Variants in CR1 observed in about 807,000 individuals in gnomAD.
CR1 encodes complement C3b/C4b receptor 1 (Knops blood group).
CR1 carries 116 observed loss-of-function variants against 187.3 expected under a neutral mutation model. The observed-to-expected ratio is 0.62, with a 90% confidence interval of 0.53 to 0.72. The LOEUF is 0.72. CR1 is among the 30% of genes least tolerant of loss of function. The pLI is 0.00. For missense variants in CR1, 1,731 were observed against 2,110.7 expected, an observed-to-expected ratio of 0.82 and a Z score of 3.52; for synonymous variants, 576 against 747.1, an observed-to-expected ratio of 0.77 and a Z score of 3.73.
At chr1:207,523,509 C>A in intron 4 of CR1, 102 bp from the exon 5 acceptor site, 1 of 1,544,138 alleles carries the variant, frequency 6.5e-7, no homozygotes, top group Non-Finnish European at 8.8e-7. Flanking sequence ...AGATTAAAAG[C>A]AAATAATGAA....
At chr1:207,500,896 A>T (rs541672382) in intron 1 of CR1, among the ~76,000 whole-genome samples, 5 of 152,308 alleles carry the variant, frequency 3.3e-5, no homozygotes, top group Non-Finnish European at 7.4e-5. Flanking sequence ...GGATAAACTA[A>T]ATTAAGATAT....
At chr1:207,590,062 C>T (rs1249615437) in intron 35 of CR1, among the ~76,000 whole-genome samples, 1 of 152,154 alleles carries the variant, frequency 6.6e-6, no homozygotes, top group African/African-American at 2.4e-5. Context: ...AGAACTGCCC[C>T]AACCTAGCAA....
intron 44 of CR1, among the ~76,000 whole-genome samples, chr1:207,622,230 A>G (rs1662335533): frequency 6.6e-6 from 1 of 152,246 alleles, no homozygotes; most frequent in Non-Finnish European, 1.5e-5. Context: ...GCTCTTTACT[A>G]TCTTTGAACC....
At position 207,575,698 on chromosome 1, in the gene CR1, T is replaced by C; in HGVS notation, c.4537+18T>C. 4.3e-6 allele frequency: 7 copies of C among 1,611,816 alleles called. No individual in the cohort carries two copies. The highest frequency in any genetic ancestry group is 5.9e-6 in the Non-Finnish European group (7 of 1,179,688). On this transcript the variant is annotated intron_variant, in intron 28 of 46. Coordinates refer to ENST00000367049, the MANE Select transcript of CR1 (RefSeq NM_000651.6). ...TTGTCAACGTGAGTTGAAATCTCTT[T>C]CCCCATTCACCCCACCATTGAATCC... is the stretch of plus-strand genomic sequence containing the variant.
At chr1:207,515,061 A>G (rs558240834) in intron 4 of CR1, among the ~76,000 whole-genome samples, 2 of 147,022 alleles carry the variant, frequency 1.4e-5, no homozygotes, top group Non-Finnish European at 3.0e-5. Flanking sequence ...ATATATGTAT[A>G]TATACGTATA....
In CR1 at chr1:207,566,466, T is replaced by C. The variant is rs1660500234; in HGVS notation, c.3952+543T>C. ...GATGTTCATCTAGCCACTGGAGTTA[T>C]ATCAATGAACAAGATGGATGAATTC... is the stretch of plus-strand genomic sequence containing the variant. On this transcript the variant is annotated intron_variant, in intron 24 of 46. Coordinates refer to ENST00000367049, the MANE Select transcript of CR1 (RefSeq NM_000651.6). 1.3e-5 allele frequency among the ~76,000 whole-genome samples: 2 copies of C among 150,200 alleles called. 1 individual carries two copies. Among genetic ancestry groups the C allele is most frequent in the African/African-American group, 5.0e-5 (2 of 39,644 alleles).
At chr1:207,525,583 A>G (rs1660141847) in intron 5 of CR1, among the ~76,000 whole-genome samples, 1 of 151,986 alleles carries the variant, frequency 6.6e-6, no homozygotes. Context: ...GAAGTAGAAC[A>G]GATTCTGCCA....
chr1:207,523,698 C>G lies in CR1; in HGVS notation c.575C>G (p.Thr192Ser), dbSNP rs1193584014. The change falls in exon 5 of 47, where the codon ACC becomes AGC. Residue 192 changes from threonine to serine, a missense_variant. Transcript: ENST00000367049. ...AATTTTCACTATGGATCAGTGGTGA[C>G]CTACCGCTGCAATCCTGGAAGCGGA... is the stretch of plus-strand genomic sequence containing the variant. ...RENFHYGSVV[T>S]YRCNPGSGGR... The G allele has an allele frequency of 5.0e-6, 8 of 1,613,408 alleles. No individual in the cohort carries two copies. Among genetic ancestry groups the G allele is most frequent in the Non-Finnish European group, 6.8e-6 (8 of 1,179,896 alleles).
chr1:207,513,896 G>A (rs925509218), intron 4 of CR1, among the ~76,000 whole-genome samples: 3 of 151,626 alleles, frequency 2.0e-5, no homozygotes, highest in African/African-American at 7.3e-5. Flanking sequence ...TGTCATCCTT[G>A]TCTTGTTCCA....
chr1:207,609,954 G>C (rs932596799), intron 37 of CR1, among the ~76,000 whole-genome samples: 1 of 152,084 alleles, frequency 6.6e-6, no homozygotes, highest in Non-Finnish European at 1.5e-5. Flanking sequence ...ATTTTACTTT[G>C]AGAGAACTGA....
chr1:207,630,567 A>C lies in CR1; in HGVS notation c.7403A>C (p.Gln2468Pro), dbSNP rs1379657733. Residue 2468 changes from glutamine to proline, a missense_variant, in exon 46 of 47, where the codon CAA (glutamine) becomes CCA (proline). This residue lies in a region of CR1 where 1,312 missense variants were observed against 1,379.6 expected (regional missense o/e 0.95). Coordinates refer to ENST00000367049, the MANE Select transcript of CR1 (RefSeq NM_000651.6). ...PKEVAIHLHS[Q>P]GGSSVHPRTL... ...GAAGTGGCTATCCATTTACATTCTC[A>C]AGGAGGCAGCAGCGTTCATCCCCGA... The C allele has an allele frequency of 1.2e-6, 2 of 1,612,052 alleles. No individual in the cohort carries two copies. Among genetic ancestry groups the C allele is most frequent in the Non-Finnish European group, 1.7e-6 (2 of 1,179,134 alleles).
At chr1:207,638,114 C>T (rs1662872708) in intron 46 of CR1, among the ~76,000 whole-genome samples, 1 of 152,114 alleles carries the variant, frequency 6.6e-6, no homozygotes, top group South Asian at 2.1e-4. Context: ...TTACTGTCTC[C>T]CCCTTCTTTT....
In CR1 at chr1:207,567,450, C is replaced by T. The variant is rs369882840; in HGVS notation, c.3953-374C>T. On this transcript the variant is annotated intron_variant, in intron 24 of 46. Transcript: ENST00000367049. ...CTAAGAATGTAGGCTCCTTCCTCAGCGCTGTGTCCCCAGGATCCTGATGAA... is the reference window on the plus strand; with the variant it reads ...CTAAGAATGTAGGCTCCTTCCTCAGTGCTGTGTCCCCAGGATCCTGATGAA... 1.7e-4 allele frequency among the ~76,000 whole-genome samples: 26 copies of T among 150,258 alleles called. No homozygotes were observed. In the East Asian group the frequency reaches 3.3e-3, roughly 19 times the overall value.
At position 207,506,744 on chromosome 1, in the gene CR1, T is replaced by C. The variant is rs773217946; in HGVS notation, c.332T>C (p.Val111Ala). The C allele has an allele frequency of 1.2e-6, 2 of 1,613,620 alleles. No homozygotes were observed. Among genetic ancestry groups the C allele is most frequent in the East Asian group, 4.5e-5 (2 of 44,890 alleles). Residue 111 changes from valine to alanine, a missense_variant, in exon 3 of 47, where the codon GTG becomes GCG. Coordinates refer to ENST00000367049, the MANE Select transcript of CR1 (RefSeq NM_000651.6). ...RKSCRNPPDP[V>A]NGMVHVIKGI... ...TCATGTCGTAATCCTCCAGATCCTG[T>C]GAATGGCATGGTGCATGTGATCAAA...
intron 31 of CR1, 58 bp downstream of exon 31, chr1:207,580,671 T>G: frequency 6.8e-7 from 1 of 1,471,658 alleles, no homozygotes; most frequent in South Asian, 1.2e-5. Flanking sequence ...ACTCTTGAGC[T>G]TAAGGATCAA....
chr1:207,588,584 A>G (rs1661179403), intron 34 of CR1, 91 bp from the exon 35 acceptor site: 1 of 804,124 alleles, frequency 1.2e-6, no homozygotes, highest in East Asian at 2.6e-5. Context: ...TTGGAACTGT[A>G]TATGCTGTTT....
At chr1:207,615,817 C>T (rs1358688553) in intron 40 of CR1, among the ~76,000 whole-genome samples, 1 of 152,040 alleles carries the variant, frequency 6.6e-6, no homozygotes. Flanking sequence ...CTTAGGAAAA[C>T]ACAAACAGGT....
intron 36 of CR1, 76 bp from the exon 37 acceptor site, chr1:207,609,214 T>G: frequency 7.8e-7 from 1 of 1,276,418 alleles, no homozygotes; most frequent in Non-Finnish European, 1.1e-6. Flanking sequence ...ATTATTTGCA[T>G]TTGGTATTTA....
chr1:207,583,129 A>G (rs1661012183), intron 32 of CR1, among the ~76,000 whole-genome samples: 1 of 152,210 alleles, frequency 6.6e-6, no homozygotes, highest in Non-Finnish European at 1.5e-5. Flanking sequence ...CAAAGGTGAG[A>G]AGGAATCAGC....
Sources: gnomAD v4.1 joint callset for allele counts (sites outside exome capture counted in the v4.1 genomes callset) on GRCh38, gnomAD v4.1.1 for gene constraint, gnomAD v4.1.1 regional missense constraint, MANE v1.5 for transcripts, NCBI Gene and HGNC (gene_info 2026-07-23, HGNC 2026-07-21) for gene names.